Variants in KCNIP4 observed in about 807,000 individuals in gnomAD.
KCNIP4 encodes potassium voltage-gated channel interacting protein 4.
Under a neutral mutation model 34.0 loss-of-function variants are expected in KCNIP4, and 12 were observed. The ratio of observed to expected loss-of-function variants is 0.35; its 90% CI spans 0.23 to 0.57. KCNIP4 has a LOEUF of 0.57. KCNIP4 is among the 20% of genes least tolerant of loss of function. The pLI, the probability that KCNIP4 is intolerant of heterozygous loss-of-function variation, is 0.83. For missense variants in KCNIP4, 238 were observed against 311.7 expected, an observed-to-expected ratio of 0.76 and a Z score of 1.78; for synonymous variants, 124 against 102.2, an observed-to-expected ratio of 1.21 and a Z score of -1.29.
intron 1 of KCNIP4, among the ~76,000 whole-genome samples, chr4:21,824,202 G>T (rs1344213924): frequency 6.6e-6 from 1 of 152,106 alleles, no homozygotes; most frequent in Non-Finnish European, 1.5e-5. Context: ...AAATAATGTT[G>T]GGAGAAACTT....
chr4:21,425,830 G>C (rs775419546), intron 1 of KCNIP4, among the ~76,000 whole-genome samples: 1 of 152,056 alleles, frequency 6.6e-6, no homozygotes, highest in African/African-American at 2.4e-5. Context: ...CAGTCAGATC[G>C]CTTAAGCCCA....
intron 3 of KCNIP4, among the ~76,000 whole-genome samples, chr4:20,841,610 T>C (rs1171818936): frequency 1.3e-5 from 2 of 152,022 alleles, no homozygotes; most frequent in Non-Finnish European, 2.9e-5. Flanking sequence ...TTTCTCTCCT[T>C]CTCTACTTGC....
intron 1 of KCNIP4, among the ~76,000 whole-genome samples, chr4:21,687,850 A>G (rs1421324627): frequency 6.6e-6 from 1 of 152,170 alleles, no homozygotes; most frequent in African/African-American, 2.4e-5. Context: ...TGAGAATTAA[A>G]GTAATCACAC....
At chr4:21,047,917 T>C (rs1742577983) in intron 1 of KCNIP4, among the ~76,000 whole-genome samples, 1 of 152,196 alleles carries the variant, frequency 6.6e-6, no homozygotes, top group Admixed American at 6.5e-5. Flanking sequence ...GCCAATATCA[T>C]GTAAATTCAG....
At chr4:21,313,320 T>C (rs1259154885) in intron 1 of KCNIP4, among the ~76,000 whole-genome samples, 2 of 152,208 alleles carry the variant, frequency 1.3e-5, no homozygotes, top group African/African-American at 4.8e-5. Flanking sequence ...ACAGCTGACA[T>C]GCTGTACTTC....
At chr4:21,444,859 T>C (rs1260586144) in intron 1 of KCNIP4, among the ~76,000 whole-genome samples, 2 of 152,172 alleles carry the variant, frequency 1.3e-5, no homozygotes, top group African/African-American at 4.8e-5. Context: ...GATGACATGA[T>C]TGTATACCTA....
At chr4:21,035,694 C>T (rs529030751) in intron 1 of KCNIP4, among the ~76,000 whole-genome samples, 2 of 152,194 alleles carry the variant, frequency 1.3e-5, no homozygotes, top group South Asian at 2.1e-4. Flanking sequence ...TTATAATGTA[C>T]GATTGTAGTG....
At chr4:21,004,429 G>A (rs1738387472) in intron 1 of KCNIP4, among the ~76,000 whole-genome samples, 1 of 152,314 alleles carries the variant, frequency 6.6e-6, no homozygotes, top group Admixed American at 6.5e-5. Context: ...AGTAAAACTA[G>A]TATTGAGTTC....
intron 1 of KCNIP4, among the ~76,000 whole-genome samples, chr4:21,668,323 G>A (rs959920455): frequency 3.3e-5 from 5 of 151,842 alleles, no homozygotes; most frequent in African/African-American, 4.8e-5. Flanking sequence ...AAACCTACAC[G>A]TTCTGCACAT....
intron 1 of KCNIP4, among the ~76,000 whole-genome samples, chr4:20,988,257 G>A (rs1736774833): frequency 6.6e-6 from 1 of 152,014 alleles, no homozygotes; most frequent in African/African-American, 2.4e-5. Context: ...AACTGGGGCC[G>A]TTTAACTGGT....
At chr4:21,586,828 A>T (rs1344482723) in intron 1 of KCNIP4, among the ~76,000 whole-genome samples, 1 of 152,076 alleles carries the variant, frequency 6.6e-6, no homozygotes, top group Non-Finnish European at 1.5e-5. Context: ...AAATGTAATC[A>T]TCACTTATGT....
intron 1 of KCNIP4, among the ~76,000 whole-genome samples, chr4:21,302,585 A>G (rs1248349540): frequency 1.3e-5 from 2 of 152,232 alleles, no homozygotes; most frequent in Non-Finnish European, 2.9e-5. Context: ...TCTAGATTTT[A>G]GAACTTATCC....
intron 1 of KCNIP4, among the ~76,000 whole-genome samples, chr4:20,929,722 A>G (rs943728771): frequency 2.6e-5 from 4 of 152,040 alleles, no homozygotes; most frequent in Non-Finnish European, 5.9e-5. Context: ...AATCAGTAGC[A>G]TTTTTATACA....
intron 1 of KCNIP4, among the ~76,000 whole-genome samples, chr4:21,720,291 TA>T (rs1408805877): frequency 2.0e-5 from 3 of 151,842 alleles, no homozygotes; most frequent in Non-Finnish European, 4.4e-5. Flanking sequence ...TTTTTTCATG[TA>T]AAATATAAAT....
intron 1 of KCNIP4, among the ~76,000 whole-genome samples, chr4:21,589,221 C>CATAT (rs1741945435): frequency 3.6e-4 from 36 of 100,324 alleles, no homozygotes; most frequent in Non-Finnish European, 6.0e-4. Flanking sequence ...TATAAGTACA[C>CATAT]ATGTATCTAT....
At chr4:21,514,911 A>G (rs1734635382) in intron 1 of KCNIP4, among the ~76,000 whole-genome samples, 1 of 152,170 alleles carries the variant, frequency 6.6e-6, no homozygotes, top group Non-Finnish European at 1.5e-5. Flanking sequence ...TTATTTACCA[A>G]TTAATTAATT....
rs549762196 is a variant in KCNIP4 at position 20,955,425 on chromosome 4, C to G, written c.62-72716G>C. On this transcript the variant is annotated intron_variant, in intron 1 of 8. Coordinates refer to ENST00000382152, the MANE Select transcript of KCNIP4 (RefSeq NM_025221.6). ...ATACCCTGTTAAGTATTGGAAGCCT[C>G]CAATCATCAATTCTGCAACTAACAG... Among the ~76,000 whole-genome samples, 91 of 152,242 alleles carry G rather than the reference C, an allele frequency of 6.0e-4. No individual in the cohort carries two copies. The South Asian group carries it at 0.012, about 21-fold the overall frequency.
At chr4:21,760,279 T>C (rs1717955927) in intron 1 of KCNIP4, among the ~76,000 whole-genome samples, 1 of 152,000 alleles carries the variant, frequency 6.6e-6, no homozygotes, top group Non-Finnish European at 1.5e-5. Flanking sequence ...AAATCTTGAG[T>C]GCTCTGCTGA....
intron 1 of KCNIP4, among the ~76,000 whole-genome samples, chr4:21,230,017 G>T (rs899755334): frequency 2.0e-5 from 3 of 152,110 alleles, no homozygotes; most frequent in Middle Eastern, 3.2e-3. Context: ...TGGAAATAGG[G>T]TGTTTGCAGA....
Sources: gnomAD v4.1 joint callset for allele counts (sites outside exome capture counted in the v4.1 genomes callset) on GRCh38, gnomAD v4.1.1 for gene constraint, MANE v1.5 for transcripts, NCBI Gene and HGNC (gene_info 2026-07-23, HGNC 2026-07-21) for gene names.